The following CCDC93 variants were observed in gnomAD, a reference collection of about 807,000 sequenced individuals.
The protein encoded by CCDC93 is coiled-coil domain-containing protein 93.
In CCDC93, 61 loss-of-function variants were observed where a neutral mutation model predicts 108.2. That is an observed-to-expected ratio of 0.56 (90% CI 0.46 to 0.70). The LOEUF (loss-of-function observed/expected upper bound fraction) is 0.70, where lower values mean the gene tolerates loss of function less well. Among genes scored for constraint, CCDC93 ranks in the 30% least tolerant of loss-of-function variants. The probability of loss-of-function intolerance (pLI) is 0.00; values close to 1 mark genes in which losing one functional copy is unlikely to be tolerated. For missense variants in CCDC93, 685 were observed against 764.2 expected (o/e 0.90, Z 1.22); for synonymous variants, 276 against 260.4 (o/e 1.06, Z -0.58).
chr2:117,917,156 A>C lies in CCDC93; in HGVS notation c.*3187T>G, dbSNP rs550698716. The stretch of plus-strand genomic sequence containing the variant: ...TTTTAGGGTGATCAGTCACCTACAG[A>C]GTGGGCAAACAAGACCATATGAGGC... On this transcript the variant is annotated 3_prime_UTR_variant, in exon 24 of 24. Transcript: ENST00000376300. 6.6e-6 allele frequency: 1 copy of C among 152,486 alleles called. No individual in the cohort carries two copies. The highest frequency in any genetic ancestry group is 1.5e-5 in the Non-Finnish European group (1 of 68,042). The allele number at this position is 152,486 out of a possible 1,614,324, so 9.4% of individuals were successfully genotyped here.
At chr2:117,929,664 C>T (rs10490630) in intron 23 of CCDC93, among the ~76,000 whole-genome samples, 11,975 of 152,228 alleles carry the variant, frequency 0.079, 572 homozygotes, top group Admixed American at 0.11. Context: ...TTAAAGGGAA[C>T]GAGGAGCTCT....
chr2:118,006,847 T>C (rs775570524), intron 2 of CCDC93, 31 bp from the exon 3 acceptor site: 22 of 1,419,890 alleles, frequency 1.5e-5, no homozygotes, highest in Non-Finnish European at 1.8e-5. Context: ...ATTTGTTTTC[T>C]CTTTTTAGTT....
At chr2:118,002,759 C>A (rs967491834) in intron 3 of CCDC93, among the ~76,000 whole-genome samples, 4 of 152,016 alleles carry the variant, frequency 2.6e-5, no homozygotes. Context: ...TGAGAGGGGC[C>A]AGGCATGGTA....
chr2:118,013,596 C>A (rs1262967097), intron 1 of CCDC93, among the ~76,000 whole-genome samples: 3 of 152,232 alleles, frequency 2.0e-5, no homozygotes, highest in African/African-American at 7.2e-5. Context: ...GCCCTCGGGG[C>A]TAGCCCTGCG....
chr2:117,925,426 G>C (rs1465946744), intron 23 of CCDC93, among the ~76,000 whole-genome samples: 16 of 152,094 alleles, frequency 1.1e-4, no homozygotes, highest in Non-Finnish European at 1.9e-4. Context: ...GATGGAGGAA[G>C]ATCTACCAAG....
intron 3 of CCDC93, among the ~76,000 whole-genome samples, chr2:118,004,412 C>CA (rs1455953364): frequency 1.3e-5 from 2 of 152,194 alleles, no homozygotes; most frequent in African/African-American, 4.8e-5. Flanking sequence ...TGACAGAGAA[C>CA]AAGGCCTCAA....
intron 7 of CCDC93, among the ~76,000 whole-genome samples, chr2:117,984,128 T>A (rs916599324): frequency 2.0e-5 from 3 of 152,068 alleles, no homozygotes; most frequent in African/African-American, 7.2e-5. Flanking sequence ...CAGAATGTCC[T>A]AAGTACCCAC....
chr2:117,950,229 C>G (rs1267332804), intron 13 of CCDC93: 6 of 985,238 alleles, frequency 6.1e-6, no homozygotes, highest in Non-Finnish European at 7.2e-6. Flanking sequence ...AACCAAGGAT[C>G]ATCAAAGAGC....
In CCDC93 at chr2:117,931,081, C is replaced by T. The variant is rs146010606; in HGVS notation, c.1798G>A (p.Glu600Lys). Reference sequence around the variant, plus strand: ...GTCTTAAAGTATAGCCTCTGCTTTTCTAACAGCTCCAAGTACTGGTCGTTC... The same window carrying T: ...GTCTTAAAGTATAGCCTCTGCTTTTTTAACAGCTCCAAGTACTGGTCGTTC... ...QLNDQYLELL[E>K]KQRLYFKTVK... Residue 600 changes from glutamate (E) to lysine (K), a missense_variant, in exon 23 of 24, where the codon GAA becomes AAA. Physicochemically the swap from Glu to Lys is moderately conservative, Grantham distance 56 (BLOSUM62 1). Transcript: ENST00000376300. 5.6e-6 allele frequency: 9 copies of T among 1,614,002 alleles called. No individual in the cohort carries two copies. In the African/African-American group the frequency reaches 1.1e-4, roughly 19 times the overall value.
chr2:117,931,262 G>C, intron 22 of CCDC93, 112 bp from the exon 23 acceptor site: 2 of 687,064 alleles, frequency 2.9e-6, no homozygotes, highest in Non-Finnish European at 5.1e-6. Flanking sequence ...CCTTACAGTA[G>C]AGGAAGCTTC....
At chr2:117,962,415 G>GA (rs140246347) in intron 11 of CCDC93, among the ~76,000 whole-genome samples, 167 of 152,338 alleles carry the variant, frequency 1.1e-3, no homozygotes, top group African/African-American at 3.8e-3. Context: ...AGGCCAAGGT[G>GA]AGTGGATCAC....
intron 13 of CCDC93, chr2:117,950,507 G>A (rs1679017636): frequency 1.0e-6 from 1 of 985,246 alleles, no homozygotes; most frequent in Non-Finnish European, 1.2e-6. Flanking sequence ...TCCATGCCCA[G>A]CTCTACTTTT....
rs577005142 is a variant in CCDC93, at chr2:117,923,659, T to G, written c.1843-3263A>C. Among the ~76,000 whole-genome samples, 8 of 118,978 alleles carry G rather than the reference T, an allele frequency of 6.7e-5. No homozygotes were observed. In the South Asian group the frequency reaches 1.6e-3, roughly 25 times the overall value. The allele number at this position is 118,978 out of a possible 152,430, so 78.1% of individuals were successfully genotyped here. A position where few individuals can be genotyped will look rare whatever the true frequency, so the allele number is the denominator to read the frequency against. On this transcript the variant is annotated intron_variant, in intron 23 of 23. Transcript: ENST00000376300. The stretch of plus-strand genomic sequence containing the variant: ...GAGCTCACCGCAGCACAAGGAGGCC[T>G]GCCTGCCTGCCTGCCTGCCTGCCTC...
intron 4 of CCDC93, chr2:117,999,247 G>C (rs1680759473): frequency 6.6e-6 from 1 of 152,142 alleles, no homozygotes; most frequent in Non-Finnish European, 1.5e-5. Flanking sequence ...CACAGAACTA[G>C]AGAACTTCTA....
chr2:117,939,708 G>A (rs1010453210), intron 19 of CCDC93, among the ~76,000 whole-genome samples: 3 of 152,194 alleles, frequency 2.0e-5, no homozygotes, highest in African/African-American at 7.2e-5. Flanking sequence ...CCAGCCTAGT[G>A]GGGCCGGGCA....
At chr2:117,931,465 G>T in intron 22 of CCDC93, 1 of 287,878 alleles carries the variant, frequency 3.5e-6, no homozygotes, top group Non-Finnish European at 6.6e-6. Context: ...GCAGTGTCTG[G>T]AGACAGTTTT....
chr2:117,956,914 G>A (rs567906431), intron 12 of CCDC93, among the ~76,000 whole-genome samples: 89 of 150,622 alleles, frequency 5.9e-4, no homozygotes, highest in Non-Finnish European at 1.1e-3. Flanking sequence ...TTTTGAGATG[G>A]AGTTTCGCTC....
At chr2:117,949,600 T>C in intron 13 of CCDC93, 1 of 263,780 alleles carries the variant, frequency 3.8e-6, no homozygotes, top group Non-Finnish European at 5.9e-6. Context: ...TTTACAATGA[T>C]CTCTAGTATC....
intron 11 of CCDC93, among the ~76,000 whole-genome samples, chr2:117,971,480 T>C (rs1679760747): frequency 1.3e-5 from 2 of 152,128 alleles, no homozygotes; most frequent in Non-Finnish European, 2.9e-5. Context: ...CCAAAAAGAA[T>C]GAAGACTACA....
Sources: gnomAD v4.1 joint callset for allele counts (sites outside exome capture counted in the v4.1 genomes callset) on GRCh38, gnomAD v4.1.1 for gene constraint, MANE v1.5 for transcripts, NCBI Gene and HGNC (gene_info 2026-07-23, HGNC 2026-07-21) for gene names.